Variants in DENND1A observed in about 807,000 individuals in gnomAD.
DENND1A encodes DENN domain-containing protein 1A.
In DENND1A, 51 loss-of-function variants were observed where a neutral mutation model predicts 113.7. The ratio of observed to expected loss-of-function variants is 0.45; its 90% CI spans 0.36 to 0.57. The LOEUF is 0.57. DENND1A is among the 20% of genes least tolerant of loss of function. The probability of loss-of-function intolerance (pLI) is 0.00; values close to 1 mark genes in which losing one functional copy is unlikely to be tolerated. For synonymous variants in DENND1A, 565 were observed against 570.8 expected, an observed-to-expected ratio of 0.99 and a Z score of 0.14; for missense variants, 1,258 against 1,395.9, an observed-to-expected ratio of 0.90 and a Z score of 1.57.
intron 2 of DENND1A, among the ~76,000 whole-genome samples, chr9:123,875,191 A>G (rs976687508): frequency 6.6e-6 from 1 of 152,178 alleles, no homozygotes; most frequent in African/African-American, 2.4e-5. Context: ...TATTTTTTCA[A>G]TGAGGTATAC....
At chr9:123,777,210 G>C (rs996247223) in intron 3 of DENND1A, among the ~76,000 whole-genome samples, 1 of 152,200 alleles carries the variant, frequency 6.6e-6, no homozygotes, top group Non-Finnish European at 1.5e-5. Flanking sequence ...CTTTCAGGGG[G>C]GAAAAAGGCC....
At position 123,613,358 on chromosome 9, in the gene DENND1A, T is replaced by C. The variant is rs967553666; in HGVS notation, c.720-3877A>G. On this transcript the variant is annotated intron_variant, in intron 10 of 23. Transcript: ENST00000394215. ...AAGCTATTTAAAAAAAAAAAACTTCTTCATATTCAGAATCCAACACATCTG... is the reference window on the plus strand; with the variant it reads ...AAGCTATTTAAAAAAAAAAAACTTCCTCATATTCAGAATCCAACACATCTG... 2.0e-5 allele frequency among the ~76,000 whole-genome samples: 3 copies of C among 152,176 alleles called. No individual in the cohort carries two copies. In the South Asian group the frequency reaches 6.2e-4, roughly 32 times the overall value.
chr9:123,696,756 T>C (rs1292214235), intron 5 of DENND1A, among the ~76,000 whole-genome samples: 1 of 151,078 alleles, frequency 6.6e-6, no homozygotes, highest in Non-Finnish European at 1.5e-5. Context: ...AGAATTTCTT[T>C]TGATATATTT....
At chr9:123,444,287 T>A (rs774127443) in intron 18 of DENND1A, among the ~76,000 whole-genome samples, 1 of 152,166 alleles carries the variant, frequency 6.6e-6, no homozygotes, top group East Asian at 1.9e-4. Context: ...CTAGAAAAAA[T>A]TGGAACTCAT....
intron 2 of DENND1A, among the ~76,000 whole-genome samples, chr9:123,794,274 G>T (rs1200235538): frequency 6.6e-6 from 1 of 152,162 alleles, no homozygotes; most frequent in Non-Finnish European, 1.5e-5. Flanking sequence ...GAGGGGAAAG[G>T]GGGTGAACAA....
chr9:123,644,719 A>T (rs1361657213), intron 9 of DENND1A, among the ~76,000 whole-genome samples: 1 of 152,204 alleles, frequency 6.6e-6, no homozygotes, highest in African/African-American at 2.4e-5. Context: ...CAGAAGCCAA[A>T]GCCTCCTTCC....
rs117426355 is a variant in DENND1A, at chr9:123,855,633, G to T, written c.88+23318C>A. 3.8e-3 allele frequency among the ~76,000 whole-genome samples: 584 copies of T among 152,162 alleles called. 2 individuals carry two copies. The highest frequency in any genetic ancestry group is 1.0e-2 in the South Asian group (48 of 4,820). On this transcript the variant is annotated intron_variant, in intron 2 of 23. Transcript: ENST00000394215. Reference sequence around the variant, plus strand: ...GTATTACCCTGTAGGTAATGAAGAGGCATTATAAGGTTTAAGCAGAAGACT... The same window carrying T: ...GTATTACCCTGTAGGTAATGAAGAGTCATTATAAGGTTTAAGCAGAAGACT...
At chr9:123,401,647 AG>A in intron 21 of DENND1A, 9 of 1,455,804 alleles carry the variant, frequency 6.2e-6, no homozygotes, top group Non-Finnish European at 8.2e-6. Context: ...AGTAGAAAAC[AG>A]GGCATATTAA....
intron 5 of DENND1A, among the ~76,000 whole-genome samples, chr9:123,743,376 G>A (rs948692276): frequency 1.3e-5 from 2 of 151,784 alleles, no homozygotes; most frequent in African/African-American, 2.4e-5. Context: ...ACTCCAGCCT[G>A]AGCGATGGAG....
At chr9:123,596,842 AC>A (rs1409290091) in intron 11 of DENND1A, among the ~76,000 whole-genome samples, 1 of 152,234 alleles carries the variant, frequency 6.6e-6, no homozygotes, top group East Asian at 1.9e-4. Context: ...TATGTGTGTG[AC>A]TTTGGACAAG....
chr9:123,820,983 C>T (rs1838367794), intron 2 of DENND1A, among the ~76,000 whole-genome samples: 1 of 152,110 alleles, frequency 6.6e-6, no homozygotes, highest in African/African-American at 2.4e-5. Flanking sequence ...AGAAGCATAC[C>T]ATTGAAAAAA....
At chr9:123,485,093 C>T (rs914045061) in intron 13 of DENND1A, among the ~76,000 whole-genome samples, 1 of 152,222 alleles carries the variant, frequency 6.6e-6, no homozygotes, top group Non-Finnish European at 1.5e-5. Flanking sequence ...AGGGCAGGAG[C>T]TGCACTTCTG....
intron 19 of DENND1A, chr9:123,414,583 C>A (rs2131604488): frequency 6.4e-7 from 1 of 1,550,536 alleles, no homozygotes; most frequent in East Asian, 2.4e-5. Context: ...TGGGGATTCA[C>A]AACGCCTGTT....
chr9:123,622,995 C>G (rs2061030055), intron 10 of DENND1A, among the ~76,000 whole-genome samples: 1 of 152,184 alleles, frequency 6.6e-6, no homozygotes. Context: ...TAGAAAGGAA[C>G]CAGCAGCACA....
At chr9:123,871,248 A>G (rs917570935) in intron 2 of DENND1A, among the ~76,000 whole-genome samples, 2 of 151,950 alleles carry the variant, frequency 1.3e-5, no homozygotes, top group Non-Finnish European at 2.9e-5. Context: ...ATACCCAGCT[A>G]TGTTTTTGTA....
intron 19 of DENND1A, among the ~76,000 whole-genome samples, chr9:123,425,506 C>T (rs1441191398): frequency 6.6e-6 from 1 of 152,278 alleles, no homozygotes; most frequent in Non-Finnish European, 1.5e-5. Context: ...ATTTCTCTTG[C>T]TCTGCTGAAC....
intron 1 of DENND1A, among the ~76,000 whole-genome samples, chr9:123,902,358 G>A (rs1564473588): frequency 1.3e-5 from 2 of 152,178 alleles, no homozygotes; most frequent in African/African-American, 4.8e-5. Context: ...ATGCACTCTA[G>A]AAATTTCAGC....
At chr9:123,773,215 G>A (rs1477076893) in intron 3 of DENND1A, among the ~76,000 whole-genome samples, 2 of 152,140 alleles carry the variant, frequency 1.3e-5, no homozygotes, top group African/African-American at 2.4e-5. Flanking sequence ...ATTGCATAGT[G>A]TAATAGAAAA....
At chr9:123,840,012 A>G (rs1841593027) in intron 2 of DENND1A, among the ~76,000 whole-genome samples, 1 of 152,096 alleles carries the variant, frequency 6.6e-6, no homozygotes, top group Non-Finnish European at 1.5e-5. Context: ...AGGTGAAAAT[A>G]ATTTCTTTTG....
Sources: allele counts gnomAD v4.1 joint callset (sites outside exome capture counted in the v4.1 genomes callset), GRCh38; gene constraint gnomAD v4.1.1; transcripts MANE v1.5; gene names NCBI Gene and HGNC (gene_info 2026-07-23, HGNC 2026-07-21).